Variants in MAD1L1 observed in about 807,000 individuals in gnomAD.
MAD1L1 encodes mitotic arrest deficient 1 like 1.
A neutral mutation model predicts 96.9 loss-of-function variants in MAD1L1; 95 were observed. The observed-to-expected ratio is 0.98, with a 90% CI of 0.83 to 1.16. MAD1L1 has a LOEUF of 1.16. MAD1L1 is among the 50% of genes most tolerant of loss of function. The probability of loss-of-function intolerance (pLI) is 0.00; values close to 1 mark genes in which losing one functional copy is unlikely to be tolerated. For synonymous variants in MAD1L1, 473 were observed against 396.6 expected, an observed-to-expected ratio of 1.19 and a Z score of -2.29; for missense variants, 1,007 against 954.4, an observed-to-expected ratio of 1.06 and a Z score of -0.73.
chr7:2,206,955 C>A (rs1792625993), intron 10 of MAD1L1, among the ~76,000 whole-genome samples: 2 of 151,946 alleles, frequency 1.3e-5, no homozygotes, highest in Non-Finnish European at 2.9e-5. Flanking sequence ...GTGGTCCATG[C>A]CTGTAGTCCC....
chr7:2,086,977 A>T (rs1057376584), intron 11 of MAD1L1, among the ~76,000 whole-genome samples: 10 of 152,252 alleles, frequency 6.6e-5, no homozygotes, highest in Admixed American at 5.9e-4. Flanking sequence ...GTTTTAAAAC[A>T]AGAAAAAGCA....
In MAD1L1 at chr7:2,218,046, A is replaced by G. The variant is rs779254731; in HGVS notation, c.597-3T>C. On this transcript the variant is annotated splice_region_variant and splice_polypyrimidine_tract_variant and intron_variant, in intron 6 of 18. Transcript: ENST00000265854. ...TCTGATTGGCTTCCTGGCATTTTCT[A>G]TTGAAAGAAAAATACATCACACACA... 22 of 1,612,462 alleles carry G rather than the reference A, an allele frequency of 1.4e-5. No homozygotes were observed. The South Asian group carries it at 2.4e-4, about 18-fold the overall frequency.
intron 10 of MAD1L1, among the ~76,000 whole-genome samples, chr7:2,183,212 C>CA (rs1020370883): frequency 2.2e-3 from 224 of 101,602 alleles, no homozygotes; most frequent in Middle Eastern, 5.7e-3. Flanking sequence ...GACTCTGCCT[C>CA]AAAAAAAAAA....
At chr7:1,953,301 T>C (rs1779582794) in intron 16 of MAD1L1, among the ~76,000 whole-genome samples, 2 of 152,176 alleles carry the variant, frequency 1.3e-5, no homozygotes, top group African/African-American at 4.8e-5. Flanking sequence ...CAGATGCACT[T>C]ATTTAAACGT....
intron 18 of MAD1L1, among the ~76,000 whole-genome samples, chr7:1,830,455 G>A (rs889176757): frequency 6.6e-5 from 10 of 152,150 alleles, no homozygotes; most frequent in African/African-American, 2.2e-4. Context: ...AGGAAGAACA[G>A]CTCTACTCCT....
intron 12 of MAD1L1, among the ~76,000 whole-genome samples, chr7:2,047,866 C>G (rs747795148): frequency 6.6e-6 from 1 of 152,188 alleles, no homozygotes; most frequent in Non-Finnish European, 1.5e-5. Context: ...CGTGCACTCA[C>G]GTGCACACAG....
intron 18 of MAD1L1, among the ~76,000 whole-genome samples, chr7:1,857,597 G>C (rs753322735): frequency 6.6e-6 from 1 of 152,360 alleles, no homozygotes; most frequent in African/African-American, 2.4e-5. Flanking sequence ...GGCTGGGCCC[G>C]AGGATGAGCC....
chr7:1,859,546 C>A (rs1784417850), intron 18 of MAD1L1, among the ~76,000 whole-genome samples: 1 of 152,194 alleles, frequency 6.6e-6, no homozygotes, highest in African/African-American at 2.4e-5. Context: ...CCCCAGGTGC[C>A]AGGACTTTAT....
At chr7:2,135,345 A>G (rs1788699814) in intron 11 of MAD1L1, among the ~76,000 whole-genome samples, 1 of 152,252 alleles carries the variant, frequency 6.6e-6, no homozygotes, top group Admixed American at 6.5e-5. Context: ...CACTGAAGAG[A>G]TTTGTAAAAA....
intron 14 of MAD1L1, among the ~76,000 whole-genome samples, chr7:1,985,858 G>A (rs1002900154): frequency 1.2e-4 from 19 of 152,094 alleles, no homozygotes; most frequent in African/African-American, 4.6e-4. Context: ...CGGCCTCACC[G>A]TCTCTTCTTG....
At chr7:2,197,927 G>T (rs924035668) in intron 10 of MAD1L1, among the ~76,000 whole-genome samples, 1 of 151,902 alleles carries the variant, frequency 6.6e-6, no homozygotes, top group Non-Finnish European at 1.5e-5. Context: ...CAGCCCCCAG[G>T]CCCCAGCCTG....
rs10232676 is a variant in MAD1L1, at chr7:2,209,686, G to A, written c.986+3526C>T. On this transcript the variant is annotated intron_variant, in intron 10 of 18. Transcript: ENST00000265854. The stretch of plus-strand genomic sequence containing the variant: ...GTGGCAGCAGCTCCTCCACACCCAC[G>A]GGGCCTCGGGCCTCGGCAAGCCCCA... 6.1e-3 allele frequency among the ~76,000 whole-genome samples: 928 copies of A among 152,270 alleles called. 22 individuals are homozygous for A. The highest frequency in any genetic ancestry group is 0.047 in the Admixed American group (721 of 15,294).
intron 18 of MAD1L1, among the ~76,000 whole-genome samples, chr7:1,870,406 A>G (rs545566935): frequency 2.2e-4 from 32 of 142,482 alleles, no homozygotes; most frequent in African/African-American, 7.7e-4. Flanking sequence ...AACACCTGCC[A>G]CGCTGAACCC....
chr7:1,963,833 A>AGCGCCGGCAGGGG (rs1270286056), intron 15 of MAD1L1, among the ~76,000 whole-genome samples: 2 of 152,248 alleles, frequency 1.3e-5, no homozygotes, highest in East Asian at 3.9e-4. Flanking sequence ...TGAGGCAGGG[A>AGCGCCGGCAGGGG]GCGCCGGCAG....
chr7:1,878,611 G>T (rs951525656), intron 18 of MAD1L1, among the ~76,000 whole-genome samples: 1 of 150,912 alleles, frequency 6.6e-6, no homozygotes. Context: ...TTAGCAAGTA[G>T]AACAGAAGGG....
chr7:2,109,732 G>C (rs1787280693), intron 11 of MAD1L1: 1 of 152,208 alleles, frequency 6.6e-6, no homozygotes, highest in South Asian at 2.1e-4. Context: ...AAAACTCATG[G>C]CGAGTGTTGC....
intron 18 of MAD1L1, among the ~76,000 whole-genome samples, chr7:1,885,830 C>T (rs1228735328): frequency 1.3e-5 from 2 of 152,194 alleles, no homozygotes; most frequent in East Asian, 1.9e-4. Context: ...GCCCCTAGGC[C>T]GGGTGGGCCC....
chr7:2,036,453 C>T (rs1297586899), intron 12 of MAD1L1, among the ~76,000 whole-genome samples: 3 of 152,220 alleles, frequency 2.0e-5, no homozygotes, highest in East Asian at 1.9e-4. Context: ...TTAGGGTTGG[C>T]TCAGAGTCCT....
chr7:2,078,642 G>A (rs960938461), intron 11 of MAD1L1, among the ~76,000 whole-genome samples: 2 of 152,222 alleles, frequency 1.3e-5, no homozygotes, highest in Admixed American at 6.5e-5. Flanking sequence ...ACTCTCGCCC[G>A]AGCAGCTTTC....
Sources: gnomAD v4.1 joint callset for allele counts (sites outside exome capture counted in the v4.1 genomes callset) on GRCh38, gnomAD v4.1.1 for gene constraint, MANE v1.5 for transcripts, NCBI Gene and HGNC (gene_info 2026-07-23, HGNC 2026-07-21) for gene names.